Variants in MFHAS1 observed in about 807,000 individuals in gnomAD.
The protein encoded by MFHAS1 is multifunctional ROCO family signaling regulator 1, also known as malignant fibrous histiocytoma-amplified sequence 1.
In MFHAS1, 50 loss-of-function variants were observed where a neutral mutation model predicts 70.4. The observed-to-expected ratio is 0.71, with a 90% confidence interval of 0.57 to 0.90. The LOEUF (loss-of-function observed/expected upper bound fraction) is 0.90, where lower values mean the gene tolerates loss of function less well. Ranked by LOEUF, MFHAS1 falls within the 40% of genes least tolerant of loss-of-function variation. The probability of loss-of-function intolerance (pLI) is 0.00; values close to 1 mark genes in which losing one functional copy is unlikely to be tolerated. For missense variants in MFHAS1, 1,795 were observed against 1,347.6 expected (o/e 1.33, Z -5.20); for synonymous variants, 952 against 620.0 (o/e 1.54, Z -7.96).
At chr8:8,788,599 A>C (rs1050351718) in intron 2 of MFHAS1, among the ~76,000 whole-genome samples, 7 of 152,232 alleles carry the variant, frequency 4.6e-5, no homozygotes, top group Non-Finnish European at 1.0e-4. Flanking sequence ...TAATTGCTTG[A>C]ACCCAGGAGG....
chr8:8,796,979 G>A (rs953759813), intron 2 of MFHAS1, among the ~76,000 whole-genome samples: 1 of 152,138 alleles, frequency 6.6e-6, no homozygotes, highest in Admixed American at 6.5e-5. Flanking sequence ...CTGGGTGACA[G>A]AGCGAGACTC....
intron 1 of MFHAS1, among the ~76,000 whole-genome samples, chr8:8,818,745 T>C (rs1350577991): frequency 6.6e-6 from 1 of 152,238 alleles, no homozygotes; most frequent in Non-Finnish European, 1.5e-5. Context: ...AAATATCTTC[T>C]AGAAAGAGAG....
intron 1 of MFHAS1, among the ~76,000 whole-genome samples, chr8:8,810,851 C>A (rs1806518674): frequency 6.6e-6 from 1 of 152,068 alleles, no homozygotes; most frequent in Non-Finnish European, 1.5e-5. Flanking sequence ...AACATTTCTG[C>A]AGATTCATTT....
At chr8:8,880,153 A>C (rs944380432) in intron 1 of MFHAS1, among the ~76,000 whole-genome samples, 1 of 152,138 alleles carries the variant, frequency 6.6e-6, no homozygotes, top group Non-Finnish European at 1.5e-5. Flanking sequence ...AACCGTGTCC[A>C]AGATCTCCAA....
rs61229252 is a variant in MFHAS1, at chr8:8,870,290, CAAA to C, written c.2998+19768_2998+19770del. ...GCAACATAGTGAGACCCTGTCTCTA[CAAA>C]AAAAAAAAAAAAAAAAAAAAAATTA... On this transcript the variant is annotated intron_variant, in intron 1 of 2. Coordinates refer to ENST00000276282, the MANE Select transcript of MFHAS1 (RefSeq NM_004225.3). 6.7e-3 allele frequency among the ~76,000 whole-genome samples: 753 copies of C among 112,942 alleles called. 3 individuals are homozygous for C. Among genetic ancestry groups the C allele is most frequent in the African/African-American group, 0.026 (716 of 27,400 alleles). The allele number at this position is 112,942 out of a possible 152,430, so 74.1% of individuals were successfully genotyped here. A position where few individuals can be genotyped will look rare whatever the true frequency, so the allele number is the denominator to read the frequency against.
intron 1 of MFHAS1, among the ~76,000 whole-genome samples, chr8:8,806,472 G>A (rs772308254): frequency 6.6e-6 from 1 of 152,114 alleles, no homozygotes; most frequent in Non-Finnish European, 1.5e-5. Flanking sequence ...TACTAAGAAG[G>A]GCTTTATTTT....
intron 2 of MFHAS1, among the ~76,000 whole-genome samples, chr8:8,796,195 G>C (rs961246979): frequency 6.6e-6 from 1 of 152,180 alleles, no homozygotes; most frequent in Non-Finnish European, 1.5e-5. Flanking sequence ...CTTGGCATGT[G>C]TGCGTTCTCT....
chr8:8,891,776 C>G lies in MFHAS1; in HGVS notation c.1283G>C (p.Cys428Ser), dbSNP rs753245192. ...TCCCTCCACTCTCTCCTCGGTGAGGCAGTGGCGCAGCAAAGTCTTTCCTGC... is the reference window on the plus strand; with the variant it reads ...TCCCTCCACTCTCTCCTCGGTGAGGGAGTGGCGCAGCAAAGTCTTTCCTGC... ...KAAGKTLLRHCLTEERVEGCP... is the reference protein window; with the variant it reads ...KAAGKTLLRHSLTEERVEGCP... The change falls in exon 1 of 3, where the codon TGC becomes TCC. Residue 428 changes from cysteine (C) to serine (S), a missense_variant. Physicochemically the swap from Cys to Ser is moderately radical, Grantham distance 112. Coordinates refer to ENST00000276282, the MANE Select transcript of MFHAS1 (RefSeq NM_004225.3). The surrounding 1 kb of genome is among the most constrained non-coding windows in gnomAD (Gnocchi z 5.4). The G allele has an allele frequency of 1.2e-6, 2 of 1,613,224 alleles. No individual in the cohort carries two copies. Among genetic ancestry groups the G allele is most frequent in the African/African-American group, 1.3e-5 (1 of 74,934 alleles).
At chr8:8,834,421 G>A (rs1231444234) in intron 1 of MFHAS1, among the ~76,000 whole-genome samples, 1 of 152,082 alleles carries the variant, frequency 6.6e-6, no homozygotes, top group East Asian at 1.9e-4. Context: ...CTTCCAGTAC[G>A]CAGGCTCCAT....
intron 1 of MFHAS1, among the ~76,000 whole-genome samples, chr8:8,803,527 A>G (rs1245876204): frequency 6.6e-6 from 1 of 151,962 alleles, no homozygotes; most frequent in Non-Finnish European, 1.5e-5. Context: ...AAAAAAAAAA[A>G]AAAAGAAAGA....
At chr8:8,828,039 C>T (rs1344517355) in intron 1 of MFHAS1, among the ~76,000 whole-genome samples, 1 of 152,086 alleles carries the variant, frequency 6.6e-6, no homozygotes, top group Non-Finnish European at 1.5e-5. Context: ...ATTTACTTCC[C>T]CCGGTGATTA....
rs1428684196 is a variant in MFHAS1 at position 8,836,193 on chromosome 8, T to C, written c.2999-38702A>G. ...TGAACAATTACATAAAGGCTGTGTATGTGAGAAAAGCACACTGTTTCAATT... is the reference window on the plus strand; with the variant it reads ...TGAACAATTACATAAAGGCTGTGTACGTGAGAAAAGCACACTGTTTCAATT... On this transcript the variant is annotated intron_variant, in intron 1 of 2. Coordinates refer to ENST00000276282, the MANE Select transcript of MFHAS1 (RefSeq NM_004225.3). Among the ~76,000 whole-genome samples the C allele has an allele frequency of 2.0e-5, 3 of 152,238 alleles. 1 individual carries two copies. The highest frequency in any genetic ancestry group is 4.4e-5 in the Non-Finnish European group (3 of 68,038).
chr8:8,879,907 C>CT (rs1809447422), intron 1 of MFHAS1, among the ~76,000 whole-genome samples: 1 of 152,246 alleles, frequency 6.6e-6, no homozygotes, highest in African/African-American at 2.4e-5. Flanking sequence ...CGCTGCCACT[C>CT]TACCTTCATT....
intron 1 of MFHAS1, among the ~76,000 whole-genome samples, chr8:8,825,191 G>T (rs184784762): frequency 1.3e-5 from 2 of 152,018 alleles, no homozygotes; most frequent in Admixed American, 6.5e-5. Flanking sequence ...TTTGTTTTTT[G>T]AGATGGAGTC....
chr8:8,857,892 C>T (rs1467656419), intron 1 of MFHAS1, among the ~76,000 whole-genome samples: 1 of 152,184 alleles, frequency 6.6e-6, no homozygotes, highest in African/African-American at 2.4e-5. Flanking sequence ...ATTCCATATG[C>T]TGACTGCCCA....
chr8:8,853,489 A>C (rs1479948747), intron 1 of MFHAS1, among the ~76,000 whole-genome samples: 1 of 143,904 alleles, frequency 6.9e-6, no homozygotes, highest in African/African-American at 2.6e-5. Flanking sequence ...AAAAAAAAAA[A>C]ACCACACACA....
intron 1 of MFHAS1, among the ~76,000 whole-genome samples, chr8:8,856,799 C>G (rs1203547061): frequency 6.6e-6 from 1 of 151,970 alleles, no homozygotes; most frequent in Non-Finnish European, 1.5e-5. Context: ...GCCCATGAGC[C>G]AGATTCCTGT....
chr8:8,818,046 G>A (rs770540800), intron 1 of MFHAS1, among the ~76,000 whole-genome samples: 2 of 152,048 alleles, frequency 1.3e-5, no homozygotes, highest in African/African-American at 2.4e-5. Flanking sequence ...ATCCCATTAT[G>A]GACTAAGAAC....
chr8:8,875,386 A>C (rs967160927), intron 1 of MFHAS1, among the ~76,000 whole-genome samples: 1 of 152,224 alleles, frequency 6.6e-6, no homozygotes, highest in Non-Finnish European at 1.5e-5. Flanking sequence ...AGCATTTTTA[A>C]TTACTGTATA....
Sources: allele counts gnomAD v4.1 joint callset (sites outside exome capture counted in the v4.1 genomes callset), GRCh38; gene constraint gnomAD v4.1.1; non-coding constraint Gnocchi (gnomAD v3.1); transcripts MANE v1.5; gene names NCBI Gene and HGNC (gene_info 2026-07-23, HGNC 2026-07-21).